Variants in USH2A observed in about 807,000 individuals in gnomAD.
The protein encoded by USH2A is usherin.
In USH2A, 443 loss-of-function variants were observed where a neutral mutation model predicts 538.9. The observed-to-expected ratio is 0.82, with a 90% CI of 0.76 to 0.89. The LOEUF (loss-of-function observed/expected upper bound fraction) is 0.89, where lower values mean the gene tolerates loss of function less well. Ranked by LOEUF, USH2A falls within the 40% of genes least tolerant of loss-of-function variation. The probability of loss-of-function intolerance (pLI) is 0.00; values close to 1 mark genes in which losing one functional copy is unlikely to be tolerated. For missense variants in USH2A, 6,633 were observed against 6,324.8 expected (o/e 1.05, Z -1.65); for synonymous variants, 2,413 against 2,273.5 (o/e 1.06, Z -1.75).
intron 37 of USH2A, among the ~76,000 whole-genome samples, chr1:215,964,208 C>A (rs2102452892): frequency 6.6e-6 from 1 of 152,176 alleles, no homozygotes; most frequent in East Asian, 1.9e-4. Flanking sequence ...TGTCATGGGT[C>A]CGGCCTAAAT....
intron 64 of USH2A, among the ~76,000 whole-genome samples, chr1:215,668,609 C>T (rs1439174253): frequency 1.3e-5 from 2 of 152,194 alleles, no homozygotes; most frequent in African/African-American, 4.8e-5. Context: ...AAAGAAACCA[C>T]ACAGCCTAAG....
chr1:216,064,155 A>T (rs1558238142), intron 30 of USH2A, among the ~76,000 whole-genome samples: 1 of 152,182 alleles, frequency 6.6e-6, no homozygotes, highest in Non-Finnish European at 1.5e-5. Flanking sequence ...GTGCATCTGT[A>T]TGATTATCAT....
chr1:215,889,570 A>G (rs1665157042), intron 40 of USH2A, among the ~76,000 whole-genome samples: 1 of 152,160 alleles, frequency 6.6e-6, no homozygotes, highest in East Asian at 1.9e-4. Context: ...TTTGCAATTT[A>G]TCTACTCCCT....
chr1:216,315,471 A>C (rs1218587938), intron 9 of USH2A, among the ~76,000 whole-genome samples: 1 of 152,210 alleles, frequency 6.6e-6, no homozygotes, highest in Non-Finnish European at 1.5e-5. Context: ...ACTGACTGCA[A>C]AGAAGCATAA....
intron 43 of USH2A, among the ~76,000 whole-genome samples, chr1:215,876,630 A>C (rs1664782149): frequency 6.6e-6 from 1 of 152,218 alleles, no homozygotes; most frequent in Non-Finnish European, 1.5e-5. Context: ...CAGTCAGGCC[A>C]GTACACTACA....
At chr1:215,654,359 C>T (rs752604746) in intron 64 of USH2A, among the ~76,000 whole-genome samples, 2 of 151,998 alleles carry the variant, frequency 1.3e-5, no homozygotes, top group Non-Finnish European at 2.9e-5. Flanking sequence ...GTGATGTTCC[C>T]CTCCCTGTGT....
chr1:215,888,056 C>G (rs1268200108), intron 41 of USH2A, among the ~76,000 whole-genome samples: 1 of 152,170 alleles, frequency 6.6e-6, no homozygotes, highest in Non-Finnish European at 1.5e-5. Flanking sequence ...AAATACCAGA[C>G]TATTGGTAAT....
intron 3 of USH2A, among the ~76,000 whole-genome samples, chr1:216,365,673 T>C (rs2038583051): frequency 7.1e-6 from 1 of 140,918 alleles, no homozygotes; most frequent in South Asian, 2.3e-4. Flanking sequence ...ATATTAGGGA[T>C]TAGCAATTTT....
At chr1:216,054,675 C>T (rs1351657703) in intron 30 of USH2A, among the ~76,000 whole-genome samples, 1 of 152,088 alleles carries the variant, frequency 6.6e-6, no homozygotes, top group East Asian at 1.9e-4. Context: ...CCACCCCACC[C>T]CCAGCTGCCA....
chr1:215,822,947 T>C (rs1452799287), intron 47 of USH2A, among the ~76,000 whole-genome samples: 2 of 152,050 alleles, frequency 1.3e-5, no homozygotes, highest in Non-Finnish European at 2.9e-5. Context: ...TATTTCTCCA[T>C]ATTTTGACTT....
rs1342452163 is a variant in USH2A at position 215,674,331 on chromosome 1, G to T, written c.13580C>A (p.Thr4527Asn). The T allele has an allele frequency of 1.2e-6, 2 of 1,613,804 alleles. No homozygotes were observed. The highest frequency in any genetic ancestry group is 2.7e-5 in the African/African-American group (2 of 74,866). Reference protein sequence around the residue: ...GILSPLVKDRTSPSAPSGMEP... With the variant: ...GILSPLVKDRNSPSAPSGMEP... ...CATCCCTGAGGGTGCTGAGGGGCTG[G>T]TTCGATCTTTGACAAGAGGACTCAA... is the stretch of plus-strand genomic sequence containing the variant. The change falls in exon 63 of 72, where the codon ACC (threonine) becomes AAC (asparagine). Residue 4527 changes from threonine (T) to asparagine (N), a missense_variant. Thr to Asn is a moderately conservative substitution (Grantham distance 65, BLOSUM62 0). Transcript: ENST00000307340.
intron 55 of USH2A, among the ~76,000 whole-genome samples, chr1:215,767,439 G>C (rs372298317): frequency 2.0e-5 from 3 of 152,276 alleles, no homozygotes; most frequent in African/African-American, 7.2e-5. Context: ...CAACACTTTT[G>C]TTTTTAAACC....
At position 215,743,185 on chromosome 1, in the gene USH2A, C is replaced by T; in HGVS notation, c.11540G>A (p.Cys3847Tyr). Reference protein sequence around the residue: ...FTQYEIRIQACQNGSCGVSSR... With the variant: ...FTQYEIRIQAYQNGSCGVSSR... The stretch of plus-strand genomic sequence containing the variant: ...GTCTGAAAGACTTTCACCATTTTGA[C>T]ATGCTTGTATCCTTATCTCATACTG... The change falls in exon 59 of 72, where the codon TGT becomes TAT. Residue 3847 changes from cysteine to tyrosine, a missense_variant. Physicochemically the swap from Cys to Tyr is radical, Grantham distance 194. Coordinates refer to ENST00000307340, the MANE Select transcript of USH2A (RefSeq NM_206933.4). The T allele has an allele frequency of 6.2e-7, 1 of 1,609,888 alleles. No individual in the cohort carries two copies. The highest frequency in any genetic ancestry group is 8.5e-7 in the Non-Finnish European group (1 of 1,177,806).
At chr1:215,789,846 C>T (rs1028081129) in intron 51 of USH2A, among the ~76,000 whole-genome samples, 6 of 152,100 alleles carry the variant, frequency 3.9e-5, no homozygotes, top group African/African-American at 1.4e-4. Flanking sequence ...GGTAAAGCTT[C>T]CCTGAGAACA....
intron 3 of USH2A, among the ~76,000 whole-genome samples, chr1:216,378,209 C>A (rs1386041717): frequency 6.6e-6 from 1 of 152,092 alleles, no homozygotes; most frequent in Non-Finnish European, 1.5e-5. Context: ...TGGTGAAATA[C>A]TTAAAAGGTA....
At chr1:216,104,843 C>T (rs2032691254) in intron 21 of USH2A, among the ~76,000 whole-genome samples, 1 of 152,124 alleles carries the variant, frequency 6.6e-6, no homozygotes, top group Admixed American at 6.5e-5. Flanking sequence ...AACTAAAGAG[C>T]TTCTGCACAG....
At chr1:215,694,973 T>C (rs1658755172) in intron 61 of USH2A, among the ~76,000 whole-genome samples, 1 of 152,256 alleles carries the variant, frequency 6.6e-6, no homozygotes, top group Non-Finnish European at 1.5e-5. Context: ...ATGCATTCTA[T>C]TTATTATTGT....
chr1:215,756,535 T>C (rs539015116), intron 58 of USH2A, among the ~76,000 whole-genome samples: 1 of 152,266 alleles, frequency 6.6e-6, no homozygotes, highest in Admixed American at 6.5e-5. Flanking sequence ...TTCTTGTCAA[T>C]AGGCTAAATA....
intron 12 of USH2A, among the ~76,000 whole-genome samples, chr1:216,248,030 G>A (rs1466049994): frequency 6.6e-6 from 1 of 151,782 alleles, no homozygotes; most frequent in Non-Finnish European, 1.5e-5. Context: ...ACTTATCCAG[G>A]GCAATTTTTG....
Sources: allele counts gnomAD v4.1 joint callset (sites outside exome capture counted in the v4.1 genomes callset), GRCh38; gene constraint gnomAD v4.1.1; transcripts MANE v1.5; gene names NCBI Gene and HGNC (gene_info 2026-07-23, HGNC 2026-07-21).